The following TMEM260 variants were observed in gnomAD, a reference collection of about 807,000 sequenced individuals.
TMEM260 encodes protein O-mannosyl-transferase TMEM260.
TMEM260 carries 82 observed loss-of-function variants against 88.9 expected under a neutral mutation model. The observed-to-expected ratio is 0.92, with a 90% CI of 0.77 to 1.11. The LOEUF is 1.11. Among genes scored for constraint, TMEM260 ranks in the 50% least tolerant of loss-of-function variants. The probability of loss-of-function intolerance (pLI) is 0.00; values close to 1 mark genes in which losing one functional copy is unlikely to be tolerated. For synonymous variants in TMEM260, 314 were observed against 309.3 expected (o/e 1.02, Z -0.16); for missense variants, 902 against 853.4 (o/e 1.06, Z -0.71).
At chr14:56,659,796 T>C in the TMEM260 span, among the ~76,000 whole-genome samples, 7 of 152,218 alleles carry the variant, frequency 4.6e-5, no homozygotes, top group Non-Finnish European at 8.8e-5. Flanking sequence ...CATTTGCAGA[T>C]AAAAATACAT....
chr14:56,661,157 C>T, the TMEM260 span, among the ~76,000 whole-genome samples: 1 of 152,180 alleles, frequency 6.6e-6, no homozygotes, highest in Non-Finnish European at 1.5e-5. Context: ...CTGTCCTGTC[C>T]ACGCTGGAGG....
chr14:56,636,149 A>G (rs1003627362), intron 14 of TMEM260, among the ~76,000 whole-genome samples: 2 of 152,196 alleles, frequency 1.3e-5, no homozygotes, highest in Non-Finnish European at 2.9e-5. Flanking sequence ...CACACATGGC[A>G]TGAGCTTCGT....
rs368035904 is a variant in TMEM260, at chr14:56,625,410, A to G, written c.1427A>G (p.Lys476Arg). ...EMMTYEWYLP[K>R]MAKHLPGVNF... Reference sequence around the variant, plus strand: ...ATGACTTACGAGTGGTATTTACCCAAGATGGCAAAGCACTTGCCAGGTGTC... The same window carrying G: ...ATGACTTACGAGTGGTATTTACCCAGGATGGCAAAGCACTTGCCAGGTGTC... The change falls in exon 12 of 16, where the codon AAG becomes AGG. Residue 476 changes from lysine (K) to arginine (R), a missense_variant. Coordinates refer to ENST00000261556, the MANE Select transcript of TMEM260 (RefSeq NM_017799.4). 22 of 1,613,998 alleles carry G rather than the reference A, an allele frequency of 1.4e-5. No individual in the cohort carries two copies. Among genetic ancestry groups the G allele is most frequent in the Non-Finnish European group, 1.9e-5 (22 of 1,179,988 alleles).
the TMEM260 span, among the ~76,000 whole-genome samples, chr14:56,656,265 T>TA: frequency 6.6e-6 from 1 of 151,966 alleles, no homozygotes; most frequent in African/African-American, 2.4e-5. Flanking sequence ...AAAAAATTTT[T>TA]AAAAATTGCC....
chr14:56,635,078 T>C, intron 14 of TMEM260, 126 bp downstream of exon 14: 2 of 803,218 alleles, frequency 2.5e-6, no homozygotes, highest in Non-Finnish European at 4.2e-6. Context: ...TGAGCAATTA[T>C]GTTTTTGAGG....
At chr14:56,661,692 G>T in the TMEM260 span, among the ~76,000 whole-genome samples, 1 of 152,220 alleles carries the variant, frequency 6.6e-6, no homozygotes, top group African/African-American at 2.4e-5. Context: ...TCCCTGCCAT[G>T]TGAGTGAGTT....
intron 15 of TMEM260, among the ~76,000 whole-genome samples, chr14:56,644,115 C>T (rs1889794298): frequency 6.6e-6 from 1 of 152,194 alleles, no homozygotes; most frequent in Admixed American, 6.5e-5. Context: ...CCATCCCCAT[C>T]AAGCTACCAA....
At position 56,595,680 on chromosome 14, in the gene TMEM260, A is replaced by G. The variant is rs897626785; in HGVS notation, c.345-8135A>G. The stretch of plus-strand genomic sequence containing the variant: ...ATTTTTATTTTTTAGTAGAGATGAA[A>G]TCTCACTATGTTGCCCAGGCTAGTT... On this transcript the variant is annotated intron_variant, in intron 3 of 15. Transcript: ENST00000261556. Among the ~76,000 whole-genome samples, 6 of 151,976 alleles carry G rather than the reference A, an allele frequency of 3.9e-5. 1 individual carries two copies. The highest frequency in any genetic ancestry group is 1.9e-4 in the East Asian group (1 of 5,160).
In TMEM260 at chr14:56,647,804, A is replaced by G. The variant is rs1054884281; in HGVS notation, c.*307A>G. ...ATTAGATTCTAGAAGAGAATGAACCATTTTCATATAACTAAATATTGGTCA... is the reference window on the plus strand; with the variant it reads ...ATTAGATTCTAGAAGAGAATGAACCGTTTTCATATAACTAAATATTGGTCA... On this transcript the variant is annotated 3_prime_UTR_variant, in exon 16 of 16. Coordinates refer to ENST00000261556, the MANE Select transcript of TMEM260 (RefSeq NM_017799.4). 1 of 293,942 alleles carries G rather than the reference A, an allele frequency of 3.4e-6. No homozygotes were observed. The highest frequency in any genetic ancestry group is 6.4e-6 in the Non-Finnish European group (1 of 157,218). The allele number at this position is 293,942 out of a possible 1,614,324, so 18.2% of individuals were successfully genotyped here.
In TMEM260 at chr14:56,609,202, G is replaced by T. The variant is rs17776256; in HGVS notation, c.733G>T (p.Ala245Ser). The change falls in exon 6 of 16, where the codon GCC (alanine) becomes TCC (serine). Residue 245 changes from alanine (A) to serine (S), a missense_variant. Transcript: ENST00000261556. ...TCCCATCTCATCTTACCTTAATCAC[G>T]CCCGGTGGACCTGGGGAGACCAGAC... ...HLPISSYLNH[A>S]RWTWGDQTTL... 0.12 allele frequency: 201,171 copies of T among 1,613,614 alleles called. 13,397 individuals are homozygous for T. Among genetic ancestry groups the T allele is most frequent in the Middle Eastern group, 0.14 (869 of 6,062 alleles).
intron 3 of TMEM260, among the ~76,000 whole-genome samples, chr14:56,589,454 T>A (rs1457996182): frequency 6.6e-6 from 1 of 152,138 alleles, no homozygotes; most frequent in Admixed American, 6.5e-5. Flanking sequence ...AAGAAAGTAA[T>A]ACAAAGTTAC....
chr14:56,638,535 T>C (rs1001609555), intron 15 of TMEM260, among the ~76,000 whole-genome samples: 1 of 152,172 alleles, frequency 6.6e-6, no homozygotes, highest in Non-Finnish European at 1.5e-5. Context: ...TGTGGATTTA[T>C]TGTCCCTTTG....
the TMEM260 span, among the ~76,000 whole-genome samples, chr14:56,662,530 G>C: frequency 5.9e-5 from 9 of 152,158 alleles, no homozygotes; most frequent in Non-Finnish European, 1.3e-4. Flanking sequence ...GGAAGTTACT[G>C]CAACTGCTAC....
chr14:56,617,240 A>G lies in TMEM260; in HGVS notation c.999A>G (p.Ser333=), dbSNP rs769725447. 6.8e-6 allele frequency: 11 copies of G among 1,606,344 alleles called. No individual in the cohort carries two copies. The highest frequency in any genetic ancestry group is 1.7e-5 in the Admixed American group (1 of 58,430). ...TTACTGGAATGTTTTGCATTTATTC[A>G]TTGTTCTTTGCTTGGAGAGCAAATT... is the stretch of plus-strand genomic sequence containing the variant. ...WLFTGMFCIY[S]LFFAWRANLD... is the part of the protein sequence containing the mutation. Residue 333 remains serine, a synonymous_variant, in exon 9 of 16, where the codon TCA becomes TCG. Transcript: ENST00000261556.
intron 1 of TMEM260, among the ~76,000 whole-genome samples, chr14:56,583,142 C>T (rs1392245925): frequency 1.3e-5 from 2 of 152,018 alleles, no homozygotes; most frequent in Non-Finnish European, 2.9e-5. Flanking sequence ...ACAAAAAAAT[C>T]GAAAATAGTT....
chr14:56,644,191 A>T (rs566995238), intron 15 of TMEM260, among the ~76,000 whole-genome samples: 1 of 152,192 alleles, frequency 6.6e-6, no homozygotes, highest in African/African-American at 2.4e-5. Context: ...AAGAGCCCAC[A>T]TTGCCAAATC....
chr14:56,640,791 G>C (rs1318214894), intron 15 of TMEM260, among the ~76,000 whole-genome samples: 1 of 152,046 alleles, frequency 6.6e-6, no homozygotes, highest in Non-Finnish European at 1.5e-5. Flanking sequence ...CCAATGCAGA[G>C]AAGTCCTTAA....
intron 6 of TMEM260, 80 bp from the exon 7 acceptor site, chr14:56,612,165 T>G: frequency 7.4e-7 from 1 of 1,357,046 alleles, no homozygotes; most frequent in East Asian, 2.3e-5. Context: ...CCCGAATCTT[T>G]TAAGATTATT....
intron 5 of TMEM260, 129 bp downstream of exon 5, chr14:56,605,812 C>G (rs936228684): frequency 1.9e-6 from 1 of 535,986 alleles, no homozygotes. Context: ...AACCCTAGGG[C>G]CTAACAATAT....
Sources: allele counts gnomAD v4.1 joint callset (sites outside exome capture counted in the v4.1 genomes callset), GRCh38; gene constraint gnomAD v4.1.1; transcripts MANE v1.5; gene names NCBI Gene and HGNC (gene_info 2026-07-23, HGNC 2026-07-21).